Variants in NEURL1 observed in about 807,000 individuals in gnomAD.
NEURL1 encodes E3 ubiquitin-protein ligase NEURL1.
NEURL1 carries 26 observed loss-of-function variants against 41.2 expected under a neutral mutation model. That is an observed-to-expected ratio of 0.63 (90% CI 0.46 to 0.87). The LOEUF is 0.87. NEURL1 is among the 40% of genes least tolerant of loss of function. The probability of loss-of-function intolerance (pLI) is 0.00; values close to 1 mark genes in which losing one functional copy is unlikely to be tolerated. For synonymous variants in NEURL1, 400 were observed against 402.3 expected (o/e 0.99, Z 0.07); for missense variants, 761 against 871.1 (o/e 0.87, Z 1.59).
At chr10:103,544,532 T>C (rs2034888428) in intron 1 of NEURL1, among the ~76,000 whole-genome samples, 1 of 152,216 alleles carries the variant, frequency 6.6e-6, no homozygotes, top group Admixed American at 6.5e-5. Context: ...GCCTCTATTT[T>C]ACAGGTGTGA....
chr10:103,541,365 G>A (rs981079433), intron 1 of NEURL1, among the ~76,000 whole-genome samples: 38 of 152,306 alleles, frequency 2.5e-4, no homozygotes, highest in African/African-American at 8.9e-4. Flanking sequence ...AGTGCAAGTG[G>A]GACCCTGAGT....
At chr10:103,550,747 C>G (rs1440393331) in intron 1 of NEURL1, 1 of 152,268 alleles carries the variant, frequency 6.6e-6, no homozygotes, top group Non-Finnish European at 1.5e-5. Context: ...GCCCGTTGCC[C>G]TTTCCTGGAT....
intron 1 of NEURL1, among the ~76,000 whole-genome samples, chr10:103,531,549 T>C (rs2133859468): frequency 6.6e-6 from 1 of 151,906 alleles, no homozygotes; most frequent in Admixed American, 6.6e-5. Flanking sequence ...CCCACTTTTT[T>C]TGAGACAGGG....
intron 1 of NEURL1, among the ~76,000 whole-genome samples, chr10:103,565,211 G>A (rs931156317): frequency 2.6e-5 from 4 of 152,296 alleles, no homozygotes; most frequent in South Asian, 4.1e-4. Context: ...GGCCTGCCAC[G>A]TGACAGGAGC....
chr10:103,563,111 G>T (rs1007070850), intron 1 of NEURL1, among the ~76,000 whole-genome samples: 1 of 152,200 alleles, frequency 6.6e-6, no homozygotes, highest in East Asian at 1.9e-4. Flanking sequence ...TAGGACGTTT[G>T]GGGTAAAATA....
At chr10:103,546,790 C>G (rs2034932534) in intron 1 of NEURL1, among the ~76,000 whole-genome samples, 1 of 152,256 alleles carries the variant, frequency 6.6e-6, no homozygotes. Context: ...TGGGCTAAAG[C>G]CCCTTCAGGG....
At chr10:103,520,009 C>T (rs565571454) in intron 1 of NEURL1, among the ~76,000 whole-genome samples, 226 of 152,158 alleles carry the variant, frequency 1.5e-3, no homozygotes, top group African/African-American at 4.5e-3. Flanking sequence ...GTCTCACACT[C>T]CTAGCCTCAA....
chr10:103,519,116 G>A (rs575265250), intron 1 of NEURL1, among the ~76,000 whole-genome samples: 5 of 152,042 alleles, frequency 3.3e-5, no homozygotes, highest in African/African-American at 7.2e-5. Flanking sequence ...GCATGGTGGC[G>A]GGTGCCTGTA....
chr10:103,556,113 C>T lies in NEURL1; in HGVS notation c.86-14759C>T, dbSNP rs571622623. 6.6e-6 allele frequency among the ~76,000 whole-genome samples: 1 copy of T among 152,320 alleles called. No homozygotes were observed. Among genetic ancestry groups the T allele is most frequent in the African/African-American group, 2.4e-5 (1 of 41,584 alleles). ...GAGAACTTCTGAGCCCTGCAGGTCA[C>T]GTCCACAGTCAGACAGACCCACAGC... On this transcript the variant is annotated intron_variant, in intron 1 of 5. Coordinates refer to ENST00000369780, the MANE Select transcript of NEURL1 (RefSeq NM_004210.5). The surrounding 1 kb of genome is among the most constrained non-coding windows in gnomAD (Gnocchi z 4.4).
intron 1 of NEURL1, among the ~76,000 whole-genome samples, chr10:103,518,244 TCTA>T (rs1167972341): frequency 6.6e-6 from 1 of 151,686 alleles, no homozygotes; most frequent in Non-Finnish European, 1.5e-5. Context: ...AAAAAAAAAG[TCTA>T]CTATATTATT....
intron 3 of NEURL1, 68 bp downstream of exon 3, chr10:103,571,890 G>T: frequency 6.9e-7 from 1 of 1,447,840 alleles, no homozygotes; most frequent in Non-Finnish European, 9.3e-7. Context: ...CTGCAGCCTG[G>T]CACTGTTCAA....
Position 103,545,308 on chromosome 10 carries a change from C to T in NEURL1, c.86-25564C>T, listed in dbSNP as rs1380524106. On this transcript the variant is annotated intron_variant, in intron 1 of 5. Transcript: ENST00000369780. This position sits in a 1 kb window ranked among gnomAD's most constrained non-coding sequence, Gnocchi z 4.5. The stretch of plus-strand genomic sequence containing the variant: ...GCTCAGGAGGGTGGGGCAGCCAGCC[C>T]TGAGCCAGCCACATGCCCATGGTCC... Among the ~76,000 whole-genome samples the T allele has an allele frequency of 3.3e-5, 5 of 152,214 alleles. No individual in the cohort carries two copies. Among genetic ancestry groups the T allele is most frequent in the Non-Finnish European group, 7.3e-5 (5 of 68,046 alleles).
intron 1 of NEURL1, among the ~76,000 whole-genome samples, chr10:103,501,618 T>TTTTTTA (rs372200333): frequency 7.0e-6 from 1 of 142,596 alleles, no homozygotes; most frequent in African/African-American, 2.6e-5. Context: ...TCCCACTTTA[T>TTTTTTA]TTATTATTAT....
intron 4 of NEURL1, among the ~76,000 whole-genome samples, chr10:103,586,948 G>T (rs2035936123): frequency 6.6e-6 from 1 of 152,156 alleles, no homozygotes; most frequent in Admixed American, 6.5e-5. Flanking sequence ...CTACTCGGGA[G>T]GTTGAGGCAG....
Position 103,584,529 on chromosome 10 carries a change from C to A in NEURL1, c.650-7C>A. 7.4e-7 allele frequency: 1 copy of A among 1,357,548 alleles called. No homozygotes were observed. The highest frequency in any genetic ancestry group is 9.4e-7 in the Non-Finnish European group (1 of 1,060,244). The allele number at this position is 1,357,548 out of a possible 1,614,324, so 84.1% of individuals were successfully genotyped here. A position where few individuals can be genotyped will look rare whatever the true frequency, so the allele number is the denominator to read the frequency against. Reference sequence around the variant, plus strand: ...CTGCGTGACACTGCCCCGTGTCTCCCGCGCAGATAGCGAGCTGGTGCTCCC... The same window carrying A: ...CTGCGTGACACTGCCCCGTGTCTCCAGCGCAGATAGCGAGCTGGTGCTCCC... On this transcript the variant is annotated splice_region_variant and splice_polypyrimidine_tract_variant and intron_variant, in intron 3 of 5. Transcript: ENST00000369780.
At chr10:103,521,342 G>A (rs2034344400) in intron 1 of NEURL1, among the ~76,000 whole-genome samples, 1 of 152,158 alleles carries the variant, frequency 6.6e-6, no homozygotes, top group South Asian at 2.1e-4. Flanking sequence ...GACCCTGTGG[G>A]AAAGGCCTCT....
intron 1 of NEURL1, among the ~76,000 whole-genome samples, chr10:103,499,581 C>G (rs1403649220): frequency 6.6e-6 from 1 of 151,952 alleles, no homozygotes; most frequent in Non-Finnish European, 1.5e-5. Context: ...CCTCCTGCCT[C>G]AGCCTCCCAA....
At chr10:103,528,032 C>T (rs1415861450) in intron 1 of NEURL1, among the ~76,000 whole-genome samples, 6 of 152,046 alleles carry the variant, frequency 3.9e-5, no homozygotes, top group East Asian at 1.9e-4. Flanking sequence ...CCAGCCTGGC[C>T]AACATGGTGA....
intron 1 of NEURL1, among the ~76,000 whole-genome samples, chr10:103,495,934 ACT>A (rs1158918372): frequency 1.3e-5 from 2 of 152,014 alleles, no homozygotes; most frequent in Non-Finnish European, 2.9e-5. Context: ...ATGGCGAAAC[ACT>A]GTCTCTACTA....
Sources: gnomAD v4.1 joint callset for allele counts (sites outside exome capture counted in the v4.1 genomes callset) on GRCh38, gnomAD v4.1.1 for gene constraint, Gnocchi (gnomAD v3.1) non-coding constraint, MANE v1.5 for transcripts, NCBI Gene and HGNC (gene_info 2026-07-23, HGNC 2026-07-21) for gene names.